GRB10: variants seen among roughly 807,000 people sequenced by gnomAD.
The protein encoded by GRB10 is growth factor receptor bound protein 10.
Under a neutral mutation model 80.9 loss-of-function variants are expected in GRB10, and 20 were observed. The ratio of observed to expected loss-of-function variants is 0.25; its 90% CI spans 0.17 to 0.36. The LOEUF is 0.36. Ranked by LOEUF, GRB10 falls within the 10% of genes least tolerant of loss-of-function variation. The pLI is 1.00. For synonymous variants in GRB10, 291 were observed against 291.5 expected (o/e 1.00, Z 0.02); for missense variants, 548 against 747.7 (o/e 0.73, Z 3.12).
chr7:50,720,146 C>T (rs974128161), intron 4 of GRB10, among the ~76,000 whole-genome samples: 5 of 152,118 alleles, frequency 3.3e-5, no homozygotes, highest in African/African-American at 1.2e-4. Context: ...ACAGAAAGTT[C>T]AGTAAGAGGA....
At chr7:50,619,943 C>G (rs893526843) in intron 8 of GRB10, among the ~76,000 whole-genome samples, 1 of 152,222 alleles carries the variant, frequency 6.6e-6, no homozygotes, top group Non-Finnish European at 1.5e-5. Context: ...CACACATGCA[C>G]GTACGCACAC....
At chr7:50,724,496 G>A (rs2068269971) in intron 4 of GRB10, among the ~76,000 whole-genome samples, 1 of 152,212 alleles carries the variant, frequency 6.6e-6, no homozygotes, top group Non-Finnish European at 1.5e-5. Flanking sequence ...GTGGGTGCAT[G>A]AAGAGACCTT....
intron 5 of GRB10, among the ~76,000 whole-genome samples, chr7:50,699,830 A>G (rs68153705): frequency 0.19 from 28,493 of 152,048 alleles, 3,167 homozygotes; most frequent in African/African-American, 0.28. Flanking sequence ...CACTCTTAGC[A>G]TGTTTAAAAA....
chr7:50,618,196 T>G, intron 9 of GRB10, 57 bp from the exon 10 acceptor site: 1 of 1,248,916 alleles, frequency 8.0e-7, no homozygotes, highest in Non-Finnish European at 1.2e-6. Context: ...TGAGGGAAGG[T>G]ATGTCATATA....
intron 7 of GRB10, among the ~76,000 whole-genome samples, chr7:50,665,273 G>A (rs2059681700): frequency 2.0e-5 from 3 of 152,248 alleles, no homozygotes; most frequent in Admixed American, 6.5e-5. Flanking sequence ...TGAAGCCATA[G>A]AGTACAACCT....
intron 2 of GRB10, among the ~76,000 whole-genome samples, chr7:50,777,429 T>TACACACACACACACACACAC (rs71018485): frequency 1.6e-3 from 233 of 146,250 alleles, no homozygotes; most frequent in East Asian, 8.1e-3. Flanking sequence ...GCAATCTGTA[T>TACACACACACACACACACAC]ACACACACAC....
rs745717693 is a variant in GRB10, at chr7:50,624,826, A to AT, written c.661+1995dup. ...GAGGTTCGTTATTTTTTTATTTTTT[A>AT]TTTTTTTTGTGAAACAGGACCCAAA... On this transcript the variant is annotated intron_variant, in intron 8 of 18. Transcript: ENST00000401949. Among the ~76,000 whole-genome samples, 146 of 151,292 alleles carry AT rather than the reference A, an allele frequency of 9.7e-4. 1 individual carries two copies. Among genetic ancestry groups the AT allele is most frequent in the African/African-American group, 1.3e-3 (53 of 41,202 alleles).
At chr7:50,663,028 G>T (rs1469863636) in intron 7 of GRB10, among the ~76,000 whole-genome samples, 1 of 152,180 alleles carries the variant, frequency 6.6e-6, no homozygotes, top group African/African-American at 2.4e-5. Context: ...GTTATCCCTT[G>T]ACTTAAAACA....
intron 3 of GRB10, among the ~76,000 whole-genome samples, chr7:50,749,049 C>T (rs1257541004): frequency 6.6e-6 from 1 of 151,980 alleles, no homozygotes; most frequent in African/African-American, 2.4e-5. Context: ...ATTTGTCAAA[C>T]TCAAATGGTC....
intron 5 of GRB10, among the ~76,000 whole-genome samples, chr7:50,680,420 A>G (rs975757542): frequency 5.9e-5 from 9 of 152,252 alleles, no homozygotes; most frequent in Non-Finnish European, 7.3e-5. Flanking sequence ...GAGAAAACAC[A>G]TATCAACAAA....
chr7:50,609,170 A>G (rs1585614444), intron 13 of GRB10, among the ~76,000 whole-genome samples: 2 of 152,240 alleles, frequency 1.3e-5, no homozygotes, highest in African/African-American at 4.8e-5. Context: ...TTATCACACT[A>G]AATAATACAA....
intron 5 of GRB10, among the ~76,000 whole-genome samples, chr7:50,678,735 G>A (rs1361569432): frequency 3.3e-5 from 5 of 152,046 alleles, no homozygotes; most frequent in Non-Finnish European, 7.4e-5. Context: ...GCATCCCTAT[G>A]GCGTTTATTC....
intron 5 of GRB10, among the ~76,000 whole-genome samples, chr7:50,686,354 C>T (rs1244586227): frequency 6.6e-6 from 1 of 152,192 alleles, no homozygotes; most frequent in African/African-American, 2.4e-5. Flanking sequence ...ACTCCCCAGC[C>T]TCCAAAGCTG....
intron 7 of GRB10, among the ~76,000 whole-genome samples, chr7:50,631,166 T>C (rs1280521436): frequency 1.3e-5 from 2 of 152,166 alleles, no homozygotes; most frequent in Non-Finnish European, 2.9e-5. Flanking sequence ...GTCTTAGACC[T>C]TGCTCTTGGA....
chr7:50,741,237 A>G (rs1273261231), intron 3 of GRB10, among the ~76,000 whole-genome samples: 1 of 152,254 alleles, frequency 6.6e-6, no homozygotes. Flanking sequence ...TGGAATGAGT[A>G]ATGAGAAGGC....
intron 18 of GRB10, among the ~76,000 whole-genome samples, chr7:50,593,522 G>C (rs191901834): frequency 1.5e-3 from 228 of 152,242 alleles, no homozygotes; most frequent in Non-Finnish European, 2.5e-3. Flanking sequence ...TGAGGCCCCA[G>C]GGGTTTACTC....
intron 7 of GRB10, among the ~76,000 whole-genome samples, chr7:50,662,557 G>T (rs2059387404): frequency 6.6e-6 from 1 of 152,154 alleles, no homozygotes; most frequent in African/African-American, 2.4e-5. Flanking sequence ...GTCTGGGAGG[G>T]GCAGGAAGAA....
intron 7 of GRB10, among the ~76,000 whole-genome samples, chr7:50,668,556 T>G (rs2060043659): frequency 6.6e-6 from 1 of 152,138 alleles, no homozygotes; most frequent in Non-Finnish European, 1.5e-5. Context: ...AGAGGGAACA[T>G]GCGTACTTAA....
intron 5 of GRB10, 107 bp from the exon 6 acceptor site, chr7:50,674,765 A>C: frequency 1.1e-6 from 1 of 918,996 alleles, no homozygotes; most frequent in Non-Finnish European, 1.7e-6. Context: ...CCTATTTTTC[A>C]AATATTATGG....
Sources: gnomAD v4.1 joint callset for allele counts (sites outside exome capture counted in the v4.1 genomes callset) on GRCh38, gnomAD v4.1.1 for gene constraint, MANE v1.5 for transcripts, NCBI Gene and HGNC (gene_info 2026-07-23, HGNC 2026-07-21) for gene names.